Variants in NTRK2 observed in about 807,000 individuals in gnomAD.
NTRK2 encodes BDNF/NT-3 growth factors receptor.
A neutral mutation model predicts 94.5 loss-of-function variants in NTRK2; 13 were observed. That is an observed-to-expected ratio of 0.14 (90% CI 0.09 to 0.22). The LOEUF (loss-of-function observed/expected upper bound fraction) is 0.22, where lower values mean the gene tolerates loss of function less well. NTRK2 is among the 10% of genes least tolerant of loss of function. NTRK2 has a pLI of 1.00. For missense variants in NTRK2, 639 were observed against 1,071.2 expected, an observed-to-expected ratio of 0.60 and a Z score of 5.63; for synonymous variants, 372 against 407.4, an observed-to-expected ratio of 0.91 and a Z score of 1.05.
intron 16 of NTRK2, among the ~76,000 whole-genome samples, chr9:84,954,168 G>A (rs1187709313): frequency 1.3e-5 from 2 of 152,232 alleles, no homozygotes; most frequent in Admixed American, 6.5e-5. Flanking sequence ...AACGTCTTGA[G>A]AGAGATCTTT....
Position 84,873,523 on chromosome 9 carries a change from A to G in NTRK2, c.1633+6092A>G, listed in dbSNP as rs144181210. ...CCACGGCCCCCCCATTGCTAGCTAC[A>G]ACAATTTGATATCATATTCCCTTTT... On this transcript the variant is annotated intron_variant, in intron 14 of 18. Transcript: ENST00000277120. The G allele has an allele frequency of 8.5e-6, 9 of 1,057,990 alleles. No individual in the cohort carries two copies. In the African/African-American group the frequency reaches 1.5e-4, roughly 17 times the overall value. The allele number at this position is 1,057,990 out of a possible 1,614,324, so 65.5% of individuals were successfully genotyped here.
chr9:84,758,309 A>G (rs915694008), intron 12 of NTRK2, among the ~76,000 whole-genome samples: 2 of 151,964 alleles, frequency 1.3e-5, no homozygotes, highest in South Asian at 4.2e-4. Flanking sequence ...AAGGTGGTAA[A>G]CATATTTCTA....
intron 2 of NTRK2, among the ~76,000 whole-genome samples, chr9:84,682,732 C>T (rs2059467319): frequency 6.6e-6 from 1 of 152,140 alleles, no homozygotes; most frequent in Non-Finnish European, 1.5e-5. Context: ...ATATATAGCA[C>T]ATATATAGGT....
At chr9:84,700,981 G>A (rs991281954) in intron 2 of NTRK2, among the ~76,000 whole-genome samples, 4 of 152,138 alleles carry the variant, frequency 2.6e-5, no homozygotes, top group African/African-American at 9.7e-5. Flanking sequence ...TGAGCCAGGT[G>A]CTGTGATGCA....
intron 14 of NTRK2, among the ~76,000 whole-genome samples, chr9:84,870,028 A>G (rs1353401282): frequency 2.7e-5 from 4 of 149,484 alleles, no homozygotes; most frequent in Non-Finnish European, 5.9e-5. Context: ...CCTGACATGT[A>G]GATGAATCTG....
At chr9:84,690,702 G>C (rs1160280103) in intron 2 of NTRK2, among the ~76,000 whole-genome samples, 3 of 151,034 alleles carry the variant, frequency 2.0e-5, no homozygotes, top group African/African-American at 7.3e-5. Context: ...CTGGGCGACA[G>C]AGTGAGACTC....
chr9:84,998,516 C>A (rs528419649), intron 17 of NTRK2, among the ~76,000 whole-genome samples: 2 of 152,272 alleles, frequency 1.3e-5, no homozygotes, highest in African/African-American at 4.8e-5. Flanking sequence ...TGTCCTTAGG[C>A]GGCTTTACAA....
intron 2 of NTRK2, among the ~76,000 whole-genome samples, chr9:84,681,656 G>A (rs539066840): frequency 3.9e-5 from 6 of 152,126 alleles, no homozygotes; most frequent in South Asian, 2.1e-4. Context: ...TGCTGCAATC[G>A]CTTCCTATTT....
intron 14 of NTRK2, chr9:84,875,834 C>A: frequency 9.6e-7 from 1 of 1,043,966 alleles, no homozygotes; most frequent in Non-Finnish European, 1.2e-6. Flanking sequence ...AGGCCTCTAT[C>A]AATAGTATGA....
chr9:84,950,962 T>C (rs1293961502), intron 16 of NTRK2, among the ~76,000 whole-genome samples: 1 of 152,176 alleles, frequency 6.6e-6, no homozygotes, highest in African/African-American at 2.4e-5. Context: ...GAAGAGGGCT[T>C]TGCACAGAAA....
chr9:84,938,258 T>C (rs1354785066), intron 15 of NTRK2, among the ~76,000 whole-genome samples: 1 of 152,198 alleles, frequency 6.6e-6, no homozygotes, highest in Non-Finnish European at 1.5e-5. Flanking sequence ...ATGATGATGT[T>C]TTTCTCCACC....
chr9:84,958,804 A>T (rs1450351625), intron 17 of NTRK2, among the ~76,000 whole-genome samples: 1 of 152,204 alleles, frequency 6.6e-6, no homozygotes, highest in Non-Finnish European at 1.5e-5. Context: ...TTTTCGTTTC[A>T]TGAAAGTGAA....
intron 17 of NTRK2, among the ~76,000 whole-genome samples, chr9:85,005,071 G>A (rs748539844): frequency 6.6e-6 from 1 of 152,162 alleles, no homozygotes; most frequent in Non-Finnish European, 1.5e-5. Context: ...TTGAGGGACT[G>A]TGAGGGACAC....
At chr9:84,963,923 C>T (rs144471226) in intron 17 of NTRK2, among the ~76,000 whole-genome samples, 61 of 152,272 alleles carry the variant, frequency 4.0e-4, no homozygotes, top group Non-Finnish European at 7.5e-4. Flanking sequence ...TTGCAGTTTT[C>T]ATTTCTGGAA....
intron 16 of NTRK2, among the ~76,000 whole-genome samples, chr9:84,953,932 A>G (rs1319225685): frequency 6.6e-6 from 1 of 152,218 alleles, no homozygotes; most frequent in African/African-American, 2.4e-5. Flanking sequence ...AATCAAAGGC[A>G]AAGACAGTCA....
intron 14 of NTRK2, chr9:84,872,509 A>T (rs200217676): frequency 1.9e-5 from 20 of 1,066,586 alleles, no homozygotes; most frequent in Non-Finnish European, 2.3e-5. Context: ...GTCTCTAAAT[A>T]TGTACCTGGA....
chr9:84,803,761 T>C (rs1038207389), intron 12 of NTRK2, among the ~76,000 whole-genome samples: 1 of 152,198 alleles, frequency 6.6e-6, no homozygotes, highest in Non-Finnish European at 1.5e-5. Context: ...ATGTTTTTTG[T>C]AGTCAGTTCA....
intron 12 of NTRK2, among the ~76,000 whole-genome samples, chr9:84,819,276 T>C (rs2072625980): frequency 6.6e-6 from 1 of 152,206 alleles, no homozygotes; most frequent in Admixed American, 6.5e-5. Flanking sequence ...GGCTGTTTGC[T>C]TTAAGGATTT....
Position 84,876,304 on chromosome 9 carries a change from A to G in NTRK2, c.1633+8873A>G, listed in dbSNP as rs201079377. ...AGGGAATGCCTTTACTAGAGATTAC[A>G]TGAAATGTCTGCTTATAAAATAAGC... is the stretch of plus-strand genomic sequence containing the variant. On this transcript the variant is annotated intron_variant, in intron 14 of 18. Coordinates refer to ENST00000277120, the MANE Select transcript of NTRK2 (RefSeq NM_006180.6). 18 of 1,047,126 alleles carry G rather than the reference A, an allele frequency of 1.7e-5. No homozygotes were observed. In the South Asian group the frequency reaches 4.1e-4, roughly 24 times the overall value. The allele number at this position is 1,047,126 out of a possible 1,614,324, so 64.9% of individuals were successfully genotyped here. A position where few individuals can be genotyped will look rare whatever the true frequency, so the allele number is the denominator to read the frequency against.
Sources: gnomAD v4.1 joint callset for allele counts (sites outside exome capture counted in the v4.1 genomes callset) on GRCh38, gnomAD v4.1.1 for gene constraint, MANE v1.5 for transcripts, NCBI Gene and HGNC (gene_info 2026-07-23, HGNC 2026-07-21) for gene names.